Variants in HEPACAM2 observed in about 807,000 individuals in gnomAD.
The protein encoded by HEPACAM2 is mitotic kinetics regulator.
HEPACAM2 carries 49 observed loss-of-function variants against 49.6 expected under a neutral mutation model. The ratio of observed to expected loss-of-function variants is 0.99; its 90% CI spans 0.78 to 1.25. The LOEUF is 1.25. Ranked by LOEUF, HEPACAM2 falls within the 50% of genes most tolerant of loss-of-function variation. The pLI is 0.00. For synonymous variants in HEPACAM2, 197 were observed against 202.9 expected (o/e 0.97, Z 0.25); for missense variants, 525 against 557.2 (o/e 0.94, Z 0.58).
intron 9 of HEPACAM2, 52 bp from the exon 10 acceptor site, chr7:93,189,322 C>A (rs781258107): frequency 1.4e-6 from 2 of 1,408,968 alleles, no homozygotes; most frequent in East Asian, 2.4e-5. Context: ...TTTTTCAGGT[C>A]TGCAGGTAAA....
At chr7:93,212,556 T>G (rs377742672) in intron 3 of HEPACAM2, among the ~76,000 whole-genome samples, 1 of 152,140 alleles carries the variant, frequency 6.6e-6, no homozygotes, top group East Asian at 1.9e-4. Context: ...AGCACAAAGA[T>G]GAAAAGAAAG....
chr7:93,204,707 G>A (rs1411676936), intron 4 of HEPACAM2, among the ~76,000 whole-genome samples: 1 of 152,096 alleles, frequency 6.6e-6, no homozygotes, highest in East Asian at 1.9e-4. Flanking sequence ...TTGGATAGGT[G>A]ATGAGAAAGT....
At chr7:93,224,093 A>C (rs1199021457) in intron 1 of HEPACAM2, among the ~76,000 whole-genome samples, 1 of 152,122 alleles carries the variant, frequency 6.6e-6, no homozygotes, top group Non-Finnish European at 1.5e-5. Flanking sequence ...GATTTTAGAA[A>C]ATCATCCTCT....
intron 4 of HEPACAM2, among the ~76,000 whole-genome samples, chr7:93,201,131 G>T (rs923093243): frequency 6.6e-6 from 1 of 152,108 alleles, no homozygotes; most frequent in African/African-American, 2.4e-5. Flanking sequence ...ATATTATAAT[G>T]AAATGATGTT....
upstream of HEPACAM2, among the ~76,000 whole-genome samples, chr7:93,228,494 C>T (rs75246811): frequency 7.1e-3 from 1,087 of 152,194 alleles, 6 homozygotes; most frequent in Non-Finnish European, 0.01. Flanking sequence ...CATGTTTACA[C>T]AGGAAGTGAG....
chr7:93,194,178 A>G (rs918504431), intron 8 of HEPACAM2, among the ~76,000 whole-genome samples: 1 of 152,158 alleles, frequency 6.6e-6, no homozygotes, highest in Admixed American at 6.6e-5. Context: ...GAGCCAATTG[A>G]GGTCCTCCCA....
In HEPACAM2 at chr7:93,197,480, C is replaced by G. The variant is rs1196160161; in HGVS notation, c.1138+5G>C. 1 of 1,577,768 alleles carries G rather than the reference C, an allele frequency of 6.3e-7. No homozygotes were observed. The highest frequency in any genetic ancestry group is 1.4e-5 in the African/African-American group (1 of 72,530). On this transcript the variant is annotated splice_donor_5th_base_variant and intron_variant, in intron 5 of 9. Coordinates refer to ENST00000394468, the MANE Select transcript of HEPACAM2 (RefSeq NM_001039372.4). ...TTCAATTTTTTTTTTGTAATTTTAA[C>G]CTACCTTTGTAGGGTTGATATTTTT...
rs775904906 is a variant in HEPACAM2, at chr7:93,219,329, A to G, written c.202T>C (p.Trp68Arg). The G allele has an allele frequency of 8.1e-6, 13 of 1,613,884 alleles. No individual in the cohort carries two copies. Among genetic ancestry groups the G allele is most frequent in the South Asian group, 1.1e-5 (1 of 91,074 alleles). Residue 68 changes from tryptophan to arginine, a missense_variant, in exon 2 of 10, where the codon TGG (tryptophan) becomes CGG (arginine). Physicochemically the swap from Trp to Arg is moderately radical, Grantham distance 101 (BLOSUM62 -3). Transcript: ENST00000394468. ...ATTGTGTGGGGTCTCTCAAATAGCCATATGATCTGGATGTCTGATGCTGGA... is the reference window on the plus strand; with the variant it reads ...ATTGTGTGGGGTCTCTCAAATAGCCGTATGATCTGGATGTCTGATGCTGGA... Reference protein sequence around the residue: ...HTPASDIQIIWLFERPHTMPK... With the variant: ...HTPASDIQIIRLFERPHTMPK...
chr7:93,232,142 A>G, the HEPACAM2 span, among the ~76,000 whole-genome samples: 1 of 152,132 alleles, frequency 6.6e-6, no homozygotes, highest in Non-Finnish European at 1.5e-5. Flanking sequence ...GCCGAAGAGT[A>G]GCTACTGCCT....
chr7:93,226,638 T>C (rs941599102), upstream of HEPACAM2: 2 of 423,512 alleles, frequency 4.7e-6, no homozygotes, highest in Non-Finnish European at 8.4e-6. Flanking sequence ...TACAGGCTTA[T>C]GGCTTTCAGA....
At chr7:93,205,278 G>C (rs541942964) in intron 4 of HEPACAM2, among the ~76,000 whole-genome samples, 3 of 152,062 alleles carry the variant, frequency 2.0e-5, no homozygotes, top group Non-Finnish European at 4.4e-5. Context: ...ATTTGCTGTA[G>C]TCTTAGAAAG....
intron 8 of HEPACAM2, among the ~76,000 whole-genome samples, chr7:93,192,682 G>C (rs571895286): frequency 3.3e-5 from 5 of 152,106 alleles, no homozygotes; most frequent in Admixed American, 3.3e-4. Flanking sequence ...AAGATATCAG[G>C]ATATCTTAGA....
chr7:93,224,145 G>T (rs956482621), intron 1 of HEPACAM2, among the ~76,000 whole-genome samples: 40 of 152,150 alleles, frequency 2.6e-4, no homozygotes, highest in African/African-American at 9.6e-4. Context: ...AATATAAAAA[G>T]GTTGGTTGTG....
intron 3 of HEPACAM2, among the ~76,000 whole-genome samples, chr7:93,210,625 C>T (rs543233705): frequency 9.2e-5 from 14 of 151,752 alleles, no homozygotes; most frequent in South Asian, 2.1e-4. Context: ...ATTTAGTATA[C>T]GGGAGATAGA....
rs1793704165 is a variant in HEPACAM2, at chr7:93,195,869, A to G, written c.1234T>C (p.Tyr412His). 5.0e-6 allele frequency: 8 copies of G among 1,613,178 alleles called. No individual in the cohort carries two copies. The highest frequency in any genetic ancestry group is 6.8e-6 in the Non-Finnish European group (8 of 1,179,474). ...HEDALDDFGI[Y>H]EFVAFPDVSG... ...ACATCTGGAAAAGCAACAAATTCAT[A>G]TATTCCGAAGTCATCCAGAGCATCT... The change falls in exon 8 of 10, where the codon TAT (tyrosine) becomes CAT (histidine). Residue 412 changes from tyrosine to histidine, a missense_variant. Coordinates refer to ENST00000394468, the MANE Select transcript of HEPACAM2 (RefSeq NM_001039372.4).
At chr7:93,215,812 G>A (rs1001430849) in intron 2 of HEPACAM2, 127 bp from the exon 3 acceptor site, 1 of 880,776 alleles carries the variant, frequency 1.1e-6, no homozygotes, top group African/African-American at 1.7e-5. Context: ...AATGTAGACA[G>A]CTCAGGTAAT....
At chr7:93,219,559 G>C in intron 1 of HEPACAM2, 108 bp from the exon 2 acceptor site, 3 of 1,550,034 alleles carry the variant, frequency 1.9e-6, no homozygotes, top group Non-Finnish European at 2.6e-6. Context: ...TCAAAGAAGA[G>C]TGGCTTCTAG....
At chr7:93,223,322 CT>C (rs1339999621) in intron 1 of HEPACAM2, among the ~76,000 whole-genome samples, 1 of 152,034 alleles carries the variant, frequency 6.6e-6, no homozygotes, top group African/African-American at 2.4e-5. Context: ...ATGTTGATGA[CT>C]TTTGGATCTT....
chr7:93,224,928 T>A (rs1794512789), intron 1 of HEPACAM2, among the ~76,000 whole-genome samples: 1 of 152,192 alleles, frequency 6.6e-6, no homozygotes, highest in Non-Finnish European at 1.5e-5. Context: ...ACTTCAATAT[T>A]CCTAAAAGCA....
Sources: gnomAD v4.1 joint callset for allele counts (sites outside exome capture counted in the v4.1 genomes callset) on GRCh38, gnomAD v4.1.1 for gene constraint, MANE v1.5 for transcripts, NCBI Gene and HGNC (gene_info 2026-07-23, HGNC 2026-07-21) for gene names.